The following MAP3K4 variants were observed in gnomAD, a reference collection of about 807,000 sequenced individuals.
The protein encoded by MAP3K4 is mitogen-activated protein kinase kinase kinase 4.
MAP3K4 carries 67 observed loss-of-function variants against 185.6 expected under a neutral mutation model. That is an observed-to-expected ratio of 0.36 (90% CI 0.30 to 0.44). The LOEUF is 0.44. MAP3K4 is among the 20% of genes least tolerant of loss of function. The pLI, the probability that MAP3K4 is intolerant of heterozygous loss-of-function variation, is 1.00. For missense variants in MAP3K4, 1,551 were observed against 1,995.1 expected (o/e 0.78, Z 4.24); for synonymous variants, 702 against 710.4 (o/e 0.99, Z 0.19).
rs769401595 is a variant in MAP3K4, at chr6:161,050,011, A to G, written c.1707+32A>G. 1.0e-5 allele frequency: 16 copies of G among 1,541,974 alleles called. No homozygotes were observed. The Middle Eastern group carries it at 8.8e-4, about 84-fold the overall frequency. On this transcript the variant is annotated intron_variant, in intron 3 of 26. Transcript: ENST00000392142. ...TTCCAGTAGGTATTAATACAATGATATCCTTAGTTCCATTTATTTATTGCA... is the reference window on the plus strand; with the variant it reads ...TTCCAGTAGGTATTAATACAATGATGTCCTTAGTTCCATTTATTTATTGCA...
At position 161,092,968 on chromosome 6, in the gene MAP3K4, C is replaced by T. The variant is rs754301779; in HGVS notation, c.3270-10C>T. On this transcript the variant is annotated splice_polypyrimidine_tract_variant and intron_variant, in intron 13 of 26. Transcript: ENST00000392142. ...TTGTTATGTGATTACTGAACTTTTT[C>T]GTGTACCAGGTGGGCGACTCAAGGA... The T allele has an allele frequency of 2.8e-5, 44 of 1,597,924 alleles. No individual in the cohort carries two copies. The highest frequency in any genetic ancestry group is 3.5e-5 in the Non-Finnish European group (41 of 1,165,888).
intron 2 of MAP3K4, among the ~76,000 whole-genome samples, chr6:161,041,926 CTTTTTTTTTTTTTTA>C (rs1341465469): frequency 6.6e-5 from 3 of 45,182 alleles, no homozygotes; most frequent in Admixed American, 7.2e-4. Context: ...TTTTTTTTTT[CTTTTTTTTTTTTTTA>C]GAGATGGGGT....
chr6:161,029,112 T>TA (rs1483049805), intron 1 of MAP3K4, among the ~76,000 whole-genome samples: 1 of 152,164 alleles, frequency 6.6e-6, no homozygotes, highest in Non-Finnish European at 1.5e-5. Context: ...CCCTAATACT[T>TA]ATTACCTAAT....
chr6:161,072,097 C>T (rs1043003143), intron 4 of MAP3K4, among the ~76,000 whole-genome samples: 4 of 152,172 alleles, frequency 2.6e-5, no homozygotes, highest in Admixed American at 1.3e-4. Flanking sequence ...AGATCAGTTA[C>T]AAGCACCTAA....
intron 3 of MAP3K4, among the ~76,000 whole-genome samples, chr6:161,066,300 T>C (rs552280064): frequency 1.9e-4 from 29 of 152,180 alleles, no homozygotes; most frequent in Non-Finnish European, 3.5e-4. Context: ...TGCCAAATGC[T>C]TTTCTCCCCT....
intron 18 of MAP3K4, 26 bp downstream of exon 18, chr6:161,102,018 A>T (rs534531961): frequency 8.6e-5 from 134 of 1,551,372 alleles, no homozygotes; most frequent in Non-Finnish European, 1.1e-4. Flanking sequence ...TGTTAGCTGC[A>T]TTCACAACCA....
At chr6:161,006,081 C>T (rs763983888) in intron 1 of MAP3K4, among the ~76,000 whole-genome samples, 1 of 152,176 alleles carries the variant, frequency 6.6e-6, no homozygotes, top group African/African-American at 2.4e-5. Flanking sequence ...CCACTGTGCC[C>T]GACCAACATG....
intron 1 of MAP3K4, among the ~76,000 whole-genome samples, chr6:161,002,014 C>T (rs993670068): frequency 7.2e-5 from 11 of 151,750 alleles, no homozygotes; most frequent in Non-Finnish European, 1.6e-4. Context: ...ACATTTCCCC[C>T]CCAACGTCTG....
chr6:161,057,202 A>T (rs993522171), intron 3 of MAP3K4, among the ~76,000 whole-genome samples: 1 of 152,134 alleles, frequency 6.6e-6, no homozygotes, highest in African/African-American at 2.4e-5. Flanking sequence ...AGTTGTGCTA[A>T]TTTTTTCCTG....
chr6:161,013,708 G>C (rs1344009124), intron 1 of MAP3K4, among the ~76,000 whole-genome samples: 4 of 152,232 alleles, frequency 2.6e-5, no homozygotes, highest in Admixed American at 6.5e-5. Flanking sequence ...CTGCAGGGCA[G>C]GGCTGCCCCG....
chr6:161,032,514 A>C (rs1782977961), intron 1 of MAP3K4, among the ~76,000 whole-genome samples: 2 of 152,244 alleles, frequency 1.3e-5, no homozygotes, highest in African/African-American at 4.8e-5. Flanking sequence ...AATTTGTCCA[A>C]GGTCCACCCA....
At position 161,081,092 on chromosome 6, in the gene MAP3K4, C is replaced by T. The variant is rs552620308; in HGVS notation, c.2255+54C>T. 1.3e-5 allele frequency: 20 copies of T among 1,555,306 alleles called. No individual in the cohort carries two copies. The East Asian group carries it at 3.2e-4, about 25-fold the overall frequency. On this transcript the variant is annotated intron_variant, in intron 6 of 26. Coordinates refer to ENST00000392142, the MANE Select transcript of MAP3K4 (RefSeq NM_005922.4). ...CGCTCCCACCTTCTCACTCTCACACCATTTACTCACTGATTCTCTCCTATG... is the reference window on the plus strand; with the variant it reads ...CGCTCCCACCTTCTCACTCTCACACTATTTACTCACTGATTCTCTCCTATG...
rs1446603518 is a variant in MAP3K4, at chr6:161,087,051, C to T, written c.2556+384C>T. 2.0e-5 allele frequency among the ~76,000 whole-genome samples: 3 copies of T among 152,302 alleles called. No homozygotes were observed. In the East Asian group the frequency reaches 5.8e-4, roughly 29 times the overall value. On this transcript the variant is annotated intron_variant, in intron 9 of 26. Coordinates refer to ENST00000392142, the MANE Select transcript of MAP3K4 (RefSeq NM_005922.4). The surrounding 1 kb of genome is among the most constrained non-coding windows in gnomAD (Gnocchi z 4.9). Reference sequence around the variant, plus strand: ...GAATCTTTGACATCAAGATCCTGGTCATCACTAGAGCCACTTTTTGAGTCA... The same window carrying T: ...GAATCTTTGACATCAAGATCCTGGTTATCACTAGAGCCACTTTTTGAGTCA...
At position 161,043,962 on chromosome 6, in the gene MAP3K4, T is replaced by G. The variant is rs1204437612; in HGVS notation, c.344-4654T>G. 6.6e-6 allele frequency among the ~76,000 whole-genome samples: 1 copy of G among 152,212 alleles called. No homozygotes were observed. The highest frequency in any genetic ancestry group is 1.5e-5 in the Non-Finnish European group (1 of 68,038). ...GATTAAAAATACAATTAATACATAT[T>G]CTAAAGAGCCATTTTTAGTTGTAGA... On this transcript the variant is annotated intron_variant, in intron 2 of 26. Transcript: ENST00000392142. This position sits in a 1 kb window ranked among gnomAD's most constrained non-coding sequence, Gnocchi z 4.3.
In MAP3K4 at chr6:161,100,724, C is replaced by T. The variant is rs1357069818; in HGVS notation, c.3675-1168C>T. ...TCTTAAGGACATGGAATTGGCTAGT[C>T]TCACTTGTGGGAAATCGGAAAAATT... On this transcript the variant is annotated intron_variant, in intron 17 of 26. Coordinates refer to ENST00000392142, the MANE Select transcript of MAP3K4 (RefSeq NM_005922.4). The surrounding 1 kb of genome is among the most constrained non-coding windows in gnomAD (Gnocchi z 5.8). Among the ~76,000 whole-genome samples, 1 of 152,004 alleles carries T rather than the reference C, an allele frequency of 6.6e-6. No individual in the cohort carries two copies. Among genetic ancestry groups the T allele is most frequent in the African/African-American group, 2.4e-5 (1 of 41,288 alleles).
At position 161,102,735 on chromosome 6, in the gene MAP3K4, CAAG is replaced by C; in HGVS notation, c.3819_3821del (p.Arg1273del). On this transcript the variant is annotated inframe_deletion, in exon 19 of 27. Coordinates refer to ENST00000392142, the MANE Select transcript of MAP3K4 (RefSeq NM_005922.4). Reference sequence around the variant, plus strand: ...CCAAGAGGAGATTCAAGTGGGTCCACAAGAAGAAGTTGGGAACTTCGGACACTA... The same window carrying C: ...CCAAGAGGAGATTCAAGTGGGTCCACAAGAAGTTGGGAACTTCGGACACTA... 1 of 1,566,194 alleles carries C rather than the reference CAAG, an allele frequency of 6.4e-7. No individual in the cohort carries two copies. Among genetic ancestry groups the C allele is most frequent in the East Asian group, 2.4e-5 (1 of 42,224 alleles).
Position 161,091,908 on chromosome 6 carries a change from C to A in MAP3K4, c.3136-102C>A. ...AAATATAGAAATTTTAATTGGATTT[C>A]ACTTTTTGTTTTTAGAAAACATTTT... On this transcript the variant is annotated intron_variant, in intron 12 of 26. Coordinates refer to ENST00000392142, the MANE Select transcript of MAP3K4 (RefSeq NM_005922.4). This position sits in a 1 kb window ranked among gnomAD's most constrained non-coding sequence, Gnocchi z 5.5. The A allele has an allele frequency of 1.0e-6, 1 of 966,872 alleles. No individual in the cohort carries two copies. Among genetic ancestry groups the A allele is most frequent in the African/African-American group, 1.6e-5 (1 of 61,390 alleles). 59.9% of individuals were successfully genotyped at this position (966,872 alleles called of 1,614,324 possible).
chr6:161,098,159 C>A lies in MAP3K4; in HGVS notation c.3525-119C>A. On this transcript the variant is annotated intron_variant, in intron 16 of 26. Coordinates refer to ENST00000392142, the MANE Select transcript of MAP3K4 (RefSeq NM_005922.4). The surrounding 1 kb of genome is among the most constrained non-coding windows in gnomAD (Gnocchi z 4.4). ...GACTCAAATCTCAAAGAACAATTTG[C>A]ATTTTATATTTTTAAATATATTTCA... 1 of 1,174,492 alleles carries A rather than the reference C, an allele frequency of 8.5e-7. No homozygotes were observed. Among genetic ancestry groups the A allele is most frequent in the Non-Finnish European group, 1.2e-6 (1 of 841,468 alleles). The allele number at this position is 1,174,492 out of a possible 1,614,324, so 72.8% of individuals were successfully genotyped here. A position where few individuals can be genotyped will look rare whatever the true frequency, so the allele number is the denominator to read the frequency against.
At chr6:161,026,575 A>C (rs930242053) in intron 1 of MAP3K4, among the ~76,000 whole-genome samples, 1 of 152,190 alleles carries the variant, frequency 6.6e-6, no homozygotes, top group African/African-American at 2.4e-5. Context: ...ATTTGGTAAA[A>C]AATAAAGCAC....
Sources: gnomAD v4.1 joint callset for allele counts (sites outside exome capture counted in the v4.1 genomes callset) on GRCh38, gnomAD v4.1.1 for gene constraint, Gnocchi (gnomAD v3.1) non-coding constraint, MANE v1.5 for transcripts, NCBI Gene and HGNC (gene_info 2026-07-23, HGNC 2026-07-21) for gene names.